The following CPNE5 variants were observed in gnomAD, a reference collection of about 807,000 sequenced individuals.
CPNE5 encodes copine-5.
In CPNE5, 42 loss-of-function variants were observed where a neutral mutation model predicts 81.1. The observed-to-expected ratio is 0.52, with a 90% CI of 0.40 to 0.67. CPNE5 has a LOEUF of 0.67. Among genes scored for constraint, CPNE5 ranks in the 30% least tolerant of loss-of-function variants. The pLI, the probability that CPNE5 is intolerant of heterozygous loss-of-function variation, is 0.00. For synonymous variants in CPNE5, 313 were observed against 321.5 expected (o/e 0.97, Z 0.28); for missense variants, 612 against 815.5 (o/e 0.75, Z 3.04).
intron 11 of CPNE5, among the ~76,000 whole-genome samples, chr6:36,763,522 G>A (rs1312427747): frequency 1.3e-5 from 2 of 149,844 alleles, no homozygotes; most frequent in East Asian, 4.0e-4. Context: ...AGAATCGCTT[G>A]AACCCAGGAG....
intron 9 of CPNE5, 78 bp from the exon 10 acceptor site, chr6:36,775,143 C>G: frequency 8.7e-6 from 9 of 1,030,038 alleles, no homozygotes; most frequent in Non-Finnish European, 3.0e-6. Context: ...GAGGAGTCAG[C>G]TGGTTCACAT....
intron 3 of CPNE5, among the ~76,000 whole-genome samples, chr6:36,808,005 C>T (rs544260948): frequency 8.5e-5 from 13 of 152,310 alleles, no homozygotes; most frequent in South Asian, 6.2e-4. Context: ...AGAGGTCGCC[C>T]GCTCAGCCTC....
chr6:36,839,134 G>T lies in CPNE5; in HGVS notation c.95+149C>A. On this transcript the variant is annotated intron_variant, in intron 1 of 20. Coordinates refer to ENST00000244751, the MANE Select transcript of CPNE5 (RefSeq NM_020939.2). The surrounding 1 kb of genome is among the most constrained non-coding windows in gnomAD (Gnocchi z 7.3). ...CGCCACCCGCAGCTGGACAGGACAGGGGCTCTTGGCAGATCGGCAGGGGCG... is the reference window on the plus strand; with the variant it reads ...CGCCACCCGCAGCTGGACAGGACAGTGGCTCTTGGCAGATCGGCAGGGGCG... 1.8e-6 allele frequency: 1 copy of T among 561,086 alleles called. No individual in the cohort carries two copies. 34.8% of individuals were successfully genotyped at this position (561,086 alleles called of 1,614,324 possible).
intron 1 of CPNE5, among the ~76,000 whole-genome samples, chr6:36,829,148 T>G (rs60097056): frequency 0.2 from 30,163 of 152,032 alleles, 3,803 homozygotes; most frequent in East Asian, 0.32. Flanking sequence ...GCTGACTGGT[T>G]GCATAGCCTT....
At chr6:36,783,429 A>C (rs990951416) in intron 8 of CPNE5, among the ~76,000 whole-genome samples, 3 of 150,084 alleles carry the variant, frequency 2.0e-5, no homozygotes, top group African/African-American at 7.3e-5. Flanking sequence ...TATAGTAGGT[A>C]GATATAATGT....
At chr6:36,768,018 G>A (rs1048374527) in intron 10 of CPNE5, among the ~76,000 whole-genome samples, 3 of 152,140 alleles carry the variant, frequency 2.0e-5, no homozygotes, top group Non-Finnish European at 4.4e-5. Context: ...TTGCAACCCA[G>A]GTTGAGACCA....
rs142356376 is a variant in CPNE5, at chr6:36,821,590, G to A, written c.183+524C>T. Among the ~76,000 whole-genome samples the A allele has an allele frequency of 7.0e-4, 106 of 152,246 alleles. 2 individuals are homozygous for A. In the East Asian group the frequency reaches 0.018, roughly 26 times the overall value. On this transcript the variant is annotated intron_variant, in intron 3 of 20. Transcript: ENST00000244751. Reference sequence around the variant, plus strand: ...GGGGTGGGGAGGGGACTGGAAATGAGATGAGGCTGGAAAAGGGCGTCATCC... The same window carrying A: ...GGGGTGGGGAGGGGACTGGAAATGAAATGAGGCTGGAAAAGGGCGTCATCC...
chr6:36,786,984 G>A (rs1768613216), intron 8 of CPNE5, among the ~76,000 whole-genome samples: 1 of 152,110 alleles, frequency 6.6e-6, no homozygotes, highest in African/African-American at 2.4e-5. Flanking sequence ...TTAAAAGCCA[G>A]ATAGATTATT....
intron 3 of CPNE5, among the ~76,000 whole-genome samples, chr6:36,820,206 C>T (rs1265078624): frequency 2.0e-5 from 3 of 152,188 alleles, no homozygotes; most frequent in Non-Finnish European, 4.4e-5. Flanking sequence ...CCCCGCTTTC[C>T]TCTTTCCACC....
Position 36,742,196 on chromosome 6 carries a change from G to C in CPNE5, c.*72C>G. ...AAAGGCCGGGCAGGCCAACTTCGGG[G>C]AGTCTGGGGCCCTGGCCTCCCATTC... On this transcript the variant is annotated 3_prime_UTR_variant, in exon 21 of 21. Transcript: ENST00000244751. The C allele has an allele frequency of 1.6e-6, 2 of 1,261,258 alleles. No individual in the cohort carries two copies. 78.1% of individuals were successfully genotyped at this position (1,261,258 alleles called of 1,614,324 possible).
At chr6:36,765,970 T>C (rs1766529447) in intron 10 of CPNE5, among the ~76,000 whole-genome samples, 1 of 152,222 alleles carries the variant, frequency 6.6e-6, no homozygotes, top group South Asian at 2.1e-4. Context: ...TAGTTTGTTT[T>C]GACTCCTATG....
chr6:36,768,225 C>CTTTTTTTATTTTTTTTTTTTT (rs527797208), intron 10 of CPNE5, among the ~76,000 whole-genome samples: 1 of 60,496 alleles, frequency 1.7e-5, no homozygotes, highest in Non-Finnish European at 3.0e-5. Flanking sequence ...ATTCACAGTT[C>CTTTTTTTATTTTTTTTTTTTT]TTTTTTTTTT....
At chr6:36,751,136 GCTC>G (rs1381239856) in intron 14 of CPNE5, among the ~76,000 whole-genome samples, 1 of 152,230 alleles carries the variant, frequency 6.6e-6, no homozygotes, top group Admixed American at 6.5e-5. Context: ...CCTGGAGCCA[GCTC>G]CCTCACTCAG....
chr6:36,798,628 T>C (rs1027733570), intron 4 of CPNE5, 134 bp from the exon 5 acceptor site: 15 of 743,936 alleles, frequency 2.0e-5, no homozygotes, highest in Non-Finnish European at 3.0e-5. Context: ...CTAGGAGTAA[T>C]GGTTGGAAGA....
chr6:36,742,322 G>A lies in CPNE5; in HGVS notation c.1728C>T (p.Pro576=). 2 of 1,611,158 alleles carry A rather than the reference G, an allele frequency of 1.2e-6. No homozygotes were observed. The highest frequency in any genetic ancestry group is 1.1e-5 in the South Asian group (1 of 91,030). ...RPPPAAPTHS[P]SQSPARTPPA... ...GGGGCGTGCGGGCTGGGGACTGCGAGGGCGAGTGGGTTGGTGCTGCGGGTG... is the reference window on the plus strand; with the variant it reads ...GGGGCGTGCGGGCTGGGGACTGCGAAGGCGAGTGGGTTGGTGCTGCGGGTG... The change falls in exon 21 of 21, where the codon CCC becomes CCT. Residue 576 remains proline, a synonymous_variant. Transcript: ENST00000244751.
intron 8 of CPNE5, among the ~76,000 whole-genome samples, chr6:36,789,565 A>G (rs1768903237): frequency 6.6e-6 from 1 of 152,200 alleles, no homozygotes; most frequent in African/African-American, 2.4e-5. Flanking sequence ...ACTCACATTC[A>G]TGAACTCCTT....
Position 36,745,370 on chromosome 6 carries a change from G to T in CPNE5, c.1328+18C>A, listed in dbSNP as rs760456043. On this transcript the variant is annotated intron_variant, in intron 17 of 20. Transcript: ENST00000244751. ...AGAGGCCTTGTGAGTGCCTGGAGGC[G>T]GTGGCAGCGGCACTCACCTGGCCAC... The T allele has an allele frequency of 1.3e-6, 2 of 1,598,854 alleles. No homozygotes were observed. The highest frequency in any genetic ancestry group is 2.3e-5 in the South Asian group (2 of 88,772).
At chr6:36,826,636 C>G (rs1030290969) in intron 1 of CPNE5, among the ~76,000 whole-genome samples, 1 of 152,172 alleles carries the variant, frequency 6.6e-6, no homozygotes, top group East Asian at 1.9e-4. Context: ...AGTTTCCCAC[C>G]CTGCCACAGG....
At chr6:36,752,346 C>T (rs968536689) in intron 14 of CPNE5, among the ~76,000 whole-genome samples, 1 of 152,148 alleles carries the variant, frequency 6.6e-6, no homozygotes, top group Non-Finnish European at 1.5e-5. Context: ...TGGCTGGGGC[C>T]TCCTGGCTCC....
Sources: allele counts gnomAD v4.1 joint callset (sites outside exome capture counted in the v4.1 genomes callset), GRCh38; gene constraint gnomAD v4.1.1; non-coding constraint Gnocchi (gnomAD v3.1); transcripts MANE v1.5; gene names NCBI Gene and HGNC (gene_info 2026-07-23, HGNC 2026-07-21).